The following RASAL2 variants were observed in gnomAD, a reference collection of about 807,000 sequenced individuals.
RASAL2 encodes the protein ras GTPase-activating protein nGAP.
A neutral mutation model predicts 128.9 loss-of-function variants in RASAL2; 58 were observed. That is an observed-to-expected ratio of 0.45 (90% confidence interval 0.36 to 0.56). The LOEUF (loss-of-function observed/expected upper bound fraction) is 0.56. Ranked by LOEUF, RASAL2 falls within the 20% of genes least tolerant of loss-of-function variation. RASAL2 has a pLI of 0.00. For missense variants in RASAL2, 1,360 were observed against 1,601.6 expected (o/e 0.85, Z 2.57); for synonymous variants, 561 against 580.8 (o/e 0.97, Z 0.49).
chr1:178,471,385 T>A (rs921086204), intron 17 of RASAL2, among the ~76,000 whole-genome samples: 1 of 152,144 alleles, frequency 6.6e-6, no homozygotes, highest in African/African-American at 2.4e-5. Context: ...GTAAACTTCA[T>A]TGGTTAAAAT....
chr1:178,129,357 A>G (rs1660018328), intron 1 of RASAL2, among the ~76,000 whole-genome samples: 1 of 152,030 alleles, frequency 6.6e-6, no homozygotes, highest in Admixed American at 6.6e-5. Flanking sequence ...GATGTTGAAC[A>G]CCTTGTTATG....
At chr1:178,381,472 T>G (rs980674078) in intron 3 of RASAL2, among the ~76,000 whole-genome samples, 1 of 151,792 alleles carries the variant, frequency 6.6e-6, no homozygotes, top group African/African-American at 2.4e-5. Context: ...TTTTATTACC[T>G]TCACTAATGG....
chr1:178,281,727 C>G (rs562993052), intron 1 of RASAL2, among the ~76,000 whole-genome samples: 1 of 152,242 alleles, frequency 6.6e-6, no homozygotes, highest in African/African-American at 2.4e-5. Flanking sequence ...CAAAACTATT[C>G]ATATTTCTAC....
intron 15 of RASAL2, 29 bp from the exon 16 acceptor site, chr1:178,465,891 T>A (rs1200271179): frequency 6.9e-7 from 1 of 1,449,030 alleles, no homozygotes; most frequent in Non-Finnish European, 9.2e-7. Context: ...GTGACTCTAG[T>A]TTTTGTCTCC....
At chr1:178,470,659 T>C in intron 17 of RASAL2, 1 of 1,360,140 alleles carries the variant, frequency 7.4e-7, no homozygotes, top group Non-Finnish European at 9.8e-7. Flanking sequence ...CTAGTTACTG[T>C]TGCAAGTGAT....
chr1:178,369,574 T>C (rs1378735330), intron 3 of RASAL2, among the ~76,000 whole-genome samples: 7 of 152,140 alleles, frequency 4.6e-5, no homozygotes, highest in Non-Finnish European at 1.0e-4. Context: ...TTCATAGGGC[T>C]GGATTATTTT....
intron 3 of RASAL2, among the ~76,000 whole-genome samples, chr1:178,350,353 TG>T (rs1188726067): frequency 6.6e-6 from 1 of 152,202 alleles, no homozygotes; most frequent in African/African-American, 2.4e-5. Flanking sequence ...CCCGAGTAGC[TG>T]GAACTACAAC....
intron 9 of RASAL2, 94 bp downstream of exon 9, chr1:178,445,756 G>T: frequency 7.6e-7 from 1 of 1,316,854 alleles, no homozygotes; most frequent in Non-Finnish European, 1.0e-6. Context: ...AATTCTGCAT[G>T]TTATTTAGTT....
intron 5 of RASAL2, among the ~76,000 whole-genome samples, chr1:178,429,026 C>T (rs1291103367): frequency 1.3e-5 from 2 of 152,098 alleles, no homozygotes; most frequent in Non-Finnish European, 2.9e-5. Context: ...TTGAAGCTGA[C>T]TTTTCTCTCA....
intron 1 of RASAL2, among the ~76,000 whole-genome samples, chr1:178,116,009 A>T (rs1659509760): frequency 6.6e-6 from 1 of 152,168 alleles, no homozygotes; most frequent in South Asian, 2.1e-4. Flanking sequence ...TTTTTCCCTA[A>T]ACTGGAAGCA....
intron 1 of RASAL2, among the ~76,000 whole-genome samples, chr1:178,243,094 C>A (rs972946731): frequency 6.6e-6 from 1 of 152,008 alleles, no homozygotes; most frequent in Admixed American, 6.6e-5. Context: ...TGCTAGGGAA[C>A]TCTGGGTTTT....
At chr1:178,107,454 G>GT (rs199963404) in intron 1 of RASAL2, among the ~76,000 whole-genome samples, 7 of 151,596 alleles carry the variant, frequency 4.6e-5, no homozygotes, top group African/African-American at 9.7e-5. Flanking sequence ...ATTATTTTGT[G>GT]TTTTTTTTAT....
intron 16 of RASAL2, among the ~76,000 whole-genome samples, chr1:178,467,034 T>C (rs1226703155): frequency 6.6e-6 from 1 of 152,154 alleles, no homozygotes; most frequent in Admixed American, 6.5e-5. Context: ...GGTTGTTTGT[T>C]TTTTGTTGGT....
chr1:178,130,664 A>G (rs1660070574), intron 1 of RASAL2, among the ~76,000 whole-genome samples: 2 of 152,154 alleles, frequency 1.3e-5, no homozygotes, highest in African/African-American at 4.8e-5. Context: ...AACAAAATAA[A>G]CAAACCTCTA....
intron 17 of RASAL2, among the ~76,000 whole-genome samples, chr1:178,468,800 T>C (rs1647985393): frequency 6.6e-6 from 1 of 152,042 alleles, no homozygotes; most frequent in African/African-American, 2.4e-5. Context: ...ATTCACACTA[T>C]AAAAAATCAT....
Position 178,445,627 on chromosome 1 carries a change from A to G in RASAL2, c.1592A>G (p.Lys531Arg), listed in dbSNP as rs1344167478. ...ACCAAATCCATTGAGGAATACCTCAAGTTGGTGGGACAACAGTATCTTCAT... is the reference window on the plus strand; with the variant it reads ...ACCAAATCCATTGAGGAATACCTCAGGTTGGTGGGACAACAGTATCTTCAT... ...IATKSIEEYL[K>R]LVGQQYLHDA... Residue 531 changes from lysine to arginine, a missense_variant, in exon 9 of 18, where the codon AAG becomes AGG. Around this residue, in one of 3 missense-constraint regions of RASAL2, gnomAD observed 617 missense variants for 714.2 expected, o/e 0.86. Coordinates refer to ENST00000367649, the MANE Select transcript of RASAL2 (RefSeq NM_170692.4). The G allele has an allele frequency of 6.2e-7, 1 of 1,613,646 alleles. No homozygotes were observed. The highest frequency in any genetic ancestry group is 8.5e-7 in the Non-Finnish European group (1 of 1,179,766).
At chr1:178,302,910 A>G (rs907637139) in intron 3 of RASAL2, among the ~76,000 whole-genome samples, 4 of 152,020 alleles carry the variant, frequency 2.6e-5, no homozygotes, top group Non-Finnish European at 4.4e-5. Flanking sequence ...CCAGTTACTC[A>G]GGAGGCTGAG....
intron 1 of RASAL2, among the ~76,000 whole-genome samples, chr1:178,115,835 A>G (rs532184951): frequency 6.6e-6 from 1 of 152,262 alleles, no homozygotes; most frequent in African/African-American, 2.4e-5. Flanking sequence ...AGAGAAGTGG[A>G]CAGATTTTGA....
intron 3 of RASAL2, among the ~76,000 whole-genome samples, chr1:178,319,623 G>C (rs1179851373): frequency 6.8e-6 from 1 of 148,068 alleles, no homozygotes; most frequent in Non-Finnish European, 1.5e-5. Context: ...CGTAGTTCTC[G>C]AGCCTTGGTT....
Sources: gnomAD v4.1 joint callset for allele counts (sites outside exome capture counted in the v4.1 genomes callset) on GRCh38, gnomAD v4.1.1 for gene constraint, gnomAD v4.1.1 regional missense constraint, MANE v1.5 for transcripts, NCBI Gene and HGNC (gene_info 2026-07-23, HGNC 2026-07-21) for gene names.